USP40: variants seen among roughly 807,000 people sequenced by gnomAD.
USP40 encodes ubiquitin carboxyl-terminal hydrolase 40.
Under a neutral mutation model 166.2 loss-of-function variants are expected in USP40, and 143 were observed. That is an observed-to-expected ratio of 0.86 (90% CI 0.75 to 0.99). The LOEUF is 0.99. Ranked by LOEUF, USP40 falls within the 50% of genes least tolerant of loss-of-function variation. The pLI is 0.00. For missense variants in USP40, 1,444 were observed against 1,479.7 expected (o/e 0.98, Z 0.40); for synonymous variants, 498 against 524.0 (o/e 0.95, Z 0.68).
chr2:233,558,263 TATTTAGACAAAAAACAAAAAAA>T (rs1308589025), intron 4 of USP40, among the ~76,000 whole-genome samples: 2 of 151,770 alleles, frequency 1.3e-5, no homozygotes, highest in African/African-American at 4.8e-5. Context: ...TGCAAGATCT[TATTTAGACAAAAAACAAAAAAA>T]ATTTTCACAG....
chr2:233,529,394 G>A (rs1392238055), intron 12 of USP40, 37 bp downstream of exon 12: 2 of 1,505,184 alleles, frequency 1.3e-6, no homozygotes, highest in South Asian at 2.5e-5. Flanking sequence ...TTATTCTCCG[G>A]AATACTAGTC....
At chr2:233,555,084 T>C (rs2070940442) in intron 5 of USP40, among the ~76,000 whole-genome samples, 1 of 152,110 alleles carries the variant, frequency 6.6e-6, no homozygotes, top group African/African-American at 2.4e-5. Flanking sequence ...TCCCAGCTAC[T>C]GGGGAGGCTG....
Position 233,540,759 on chromosome 2 carries a change from T to G in USP40, c.1073A>C (p.Asn358Thr). Reference sequence around the variant, plus strand: ...GCCCAGCTGATCAACAGGAATTAGATTATTCTCCTCCTTATGAGAGAAACA... The same window carrying G: ...GCCCAGCTGATCAACAGGAATTAGAGTATTCTCCTCCTTATGAGAGAAACA... ...LKAILLEEEN[N>T]LIPVDQLGQK... is the part of the protein sequence containing the mutation. The change falls in exon 10 of 32, where the codon AAT (asparagine) becomes ACT (threonine). Residue 358 changes from asparagine (N) to threonine (T), a missense_variant. Transcript: ENST00000678225. 1.2e-6 allele frequency: 2 copies of G among 1,612,486 alleles called. No homozygotes were observed. Among genetic ancestry groups the G allele is most frequent in the Non-Finnish European group, 1.7e-6 (2 of 1,178,802 alleles).
At chr2:233,566,299 C>T (rs978223544) in intron 1 of USP40, among the ~76,000 whole-genome samples, 1 of 152,018 alleles carries the variant, frequency 6.6e-6, no homozygotes, top group Non-Finnish European at 1.5e-5. Flanking sequence ...TCGAGTGTGG[C>T]GGAGGGTCAC....
Position 233,512,606 on chromosome 2 carries a change from C to A in USP40, c.2400G>T (p.Leu800Phe). Residue 800 changes from leucine to phenylalanine, a missense_variant, in exon 19 of 32, where the codon TTG becomes TTT. Leu to Phe is a conservative substitution (Grantham distance 22). Transcript: ENST00000678225. ...GCTTCCCATTTCTATCAATAGGTCT[C>A]AAACAGCTGTTGTCAGCTATATATA... The part of the protein sequence containing the change: ...LMKELADNSC[L>F]RPIDRNGKLL... 1 of 1,580,734 alleles carries A rather than the reference C, an allele frequency of 6.3e-7. No homozygotes were observed. Among genetic ancestry groups the A allele is most frequent in the South Asian group, 1.2e-5 (1 of 84,502 alleles).
chr2:233,565,476 T>C lies in USP40; in HGVS notation c.79A>G (p.Lys27Glu), dbSNP rs1268943438. ...CTAGGAGCAGGTGGCTCCAAAGCTT[T>C]AGTCTTTAATTTCTTCCCTTTTCCA... ...QYGKGKKLKT[K>E]ALEPPAPREF... Residue 27 changes from lysine (K) to glutamate (E), a missense_variant, in exon 2 of 32, where the codon AAA (lysine) becomes GAA (glutamate). Physicochemically the swap from Lys to Glu is moderately conservative, Grantham distance 56. Transcript: ENST00000678225. 1.3e-6 allele frequency: 2 copies of C among 1,537,170 alleles called. No homozygotes were observed. The highest frequency in any genetic ancestry group is 2.7e-5 in the African/African-American group (2 of 73,042).
At chr2:233,560,730 A>G in intron 3 of USP40, 1 of 363,582 alleles carries the variant, frequency 2.8e-6, no homozygotes, top group Non-Finnish European at 5.0e-6. Context: ...CACCACAATA[A>G]CAAACAAAAT....
At chr2:233,539,343 GA>G (rs2069189506) in intron 10 of USP40, among the ~76,000 whole-genome samples, 1 of 151,970 alleles carries the variant, frequency 6.6e-6, no homozygotes, top group African/African-American at 2.4e-5. Flanking sequence ...CATTGAGCAG[GA>G]TAGACAACAC....
In USP40 at chr2:233,523,169, C is replaced by T. The variant is rs1262937275; in HGVS notation, c.2201+1G>A. 5 of 1,603,130 alleles carry T rather than the reference C, an allele frequency of 3.1e-6. No homozygotes were observed. Among genetic ancestry groups the T allele is most frequent in the South Asian group, 2.2e-5 (2 of 90,264 alleles). On this transcript the variant is annotated splice_donor_variant, in intron 16 of 31. Coordinates refer to ENST00000678225, the MANE Select transcript of USP40 (RefSeq NM_001365479.2). LOFTEE classifies it high-confidence loss of function. ...TCCTTTTTCTCTTGTTAGCGAGTTA[C>T]CTGTTATCATCATGAGAATCCTGAA...
chr2:233,485,733 C>A, intron 29 of USP40, 34 bp downstream of exon 29: 1 of 1,609,698 alleles, frequency 6.2e-7, no homozygotes, highest in Non-Finnish European at 8.5e-7. Flanking sequence ...TGCCGGTAAG[C>A]CCCAATTTCT....
intron 24 of USP40, among the ~76,000 whole-genome samples, chr2:233,495,075 A>C (rs1163609074): frequency 2.7e-5 from 4 of 149,466 alleles, no homozygotes; most frequent in Non-Finnish European, 4.4e-5. Context: ...AAATGACCTA[A>C]ATATTCTTCA....
chr2:233,533,749 G>A lies in USP40; in HGVS notation c.1201C>T (p.Leu401Phe). The change falls in exon 11 of 32, where the codon CTC becomes TTC. Residue 401 changes from leucine (L) to phenylalanine (F), a missense_variant. Physicochemically the swap from Leu to Phe is conservative, Grantham distance 22. Transcript: ENST00000678225. ...CGAACTGTACTTTCATCTGAACTGA[G>A]TAGAAATATCTGAGAATGGAGCTGT... ...FLQLHSQIFL[L>F]SSDESTVRLL... The A allele has an allele frequency of 6.2e-7, 1 of 1,608,468 alleles. No individual in the cohort carries two copies. Among genetic ancestry groups the A allele is most frequent in the Non-Finnish European group, 8.5e-7 (1 of 1,177,154 alleles).
At position 233,523,262 on chromosome 2, in the gene USP40, G is replaced by T. The variant is rs531657791; in HGVS notation, c.2109C>A (p.Ala703=). The change falls in exon 16 of 32, where the codon GCC becomes GCA. Residue 703 remains alanine, a synonymous_variant. Coordinates refer to ENST00000678225, the MANE Select transcript of USP40 (RefSeq NM_001365479.2). ...AGCPGGEGWT[A]IPKEDMRKTF... Reference sequence around the variant, plus strand: ...TCTTCCTCATGTCTTCCTTGGGGATGGCCGTCCAACCCTCCCCACCTGGAC... The same window carrying T: ...TCTTCCTCATGTCTTCCTTGGGGATTGCCGTCCAACCCTCCCCACCTGGAC... 38 of 1,613,972 alleles carry T rather than the reference G, an allele frequency of 2.4e-5. No homozygotes were observed. The African/African-American group carries it at 4.9e-4, about 21-fold the overall frequency.
chr2:233,487,886 G>A, intron 28 of USP40: 1 of 517,830 alleles, frequency 1.9e-6, no homozygotes, highest in South Asian at 1.5e-5. Context: ...GTAGAATAAG[G>A]GGGCAGAGCG....
At position 233,525,569 on chromosome 2, in the gene USP40, A is replaced by G. The variant is rs772561873; in HGVS notation, c.1726-7T>C. 6.2e-7 allele frequency: 1 copy of G among 1,604,758 alleles called. No homozygotes were observed. The highest frequency in any genetic ancestry group is 8.5e-7 in the Non-Finnish European group (1 of 1,171,998). On this transcript the variant is annotated splice_region_variant and splice_polypyrimidine_tract_variant and intron_variant, in intron 13 of 31. Coordinates refer to ENST00000678225, the MANE Select transcript of USP40 (RefSeq NM_001365479.2). ...CTTCCCAAAATTCTAACAGCTGAAG[A>G]ATATTAATGAAGGAAAAGAGAATGT...
chr2:233,523,613 AAATGTCTGTTAAGC>A (rs2067814423), intron 15 of USP40, 124 bp from the exon 16 acceptor site: 1 of 942,592 alleles, frequency 1.1e-6, no homozygotes, highest in Non-Finnish European at 1.5e-6. Context: ...AAATTTTCAC[AAATGTCTGTTAAGC>A]ATCAGAGGAA....
At position 233,493,724 on chromosome 2, in the gene USP40, A is replaced by T. The variant is rs2065494262; in HGVS notation, c.2791-173T>A. ...TACTTGTTTTTACAATCAAAAATTT[A>T]AAATCATAAAAATCAGACTTTGGGG... On this transcript the variant is annotated intron_variant, in intron 24 of 31. Transcript: ENST00000678225. This position sits in a 1 kb window ranked among gnomAD's most constrained non-coding sequence, Gnocchi z 4.7. Among the ~76,000 whole-genome samples the T allele has an allele frequency of 6.6e-6, 1 of 152,254 alleles. No homozygotes were observed. Among genetic ancestry groups the T allele is most frequent in the Admixed American group, 6.5e-5 (1 of 15,288 alleles).
intron 18 of USP40, among the ~76,000 whole-genome samples, chr2:233,517,770 A>G (rs1222051146): frequency 4.8e-5 from 7 of 147,176 alleles, no homozygotes; most frequent in Non-Finnish European, 7.4e-5. Context: ...ATGAGTGGAT[A>G]AAGAAACTGT....
chr2:233,547,160 A>G (rs2070028742), intron 8 of USP40: 1 of 152,210 alleles, frequency 6.6e-6, no homozygotes, highest in Non-Finnish European at 1.5e-5. Context: ...GTTTAGCAAG[A>G]TTATTGGTTG....
Sources: allele counts gnomAD v4.1 joint callset (sites outside exome capture counted in the v4.1 genomes callset), GRCh38; gene constraint gnomAD v4.1.1; non-coding constraint Gnocchi (gnomAD v3.1); transcripts MANE v1.5; gene names NCBI Gene and HGNC (gene_info 2026-07-23, HGNC 2026-07-21).